ZNF484: variants seen among roughly 807,000 people sequenced by gnomAD.
The protein encoded by ZNF484 is KRAB box containing C2H2 type zinc finger bA526D8.4.
In ZNF484, 11 loss-of-function variants were observed where a neutral mutation model predicts 12.9. That is an observed-to-expected ratio of 0.85 (90% CI 0.54 to 1.41). The LOEUF (loss-of-function observed/expected upper bound fraction) is 1.41. Among genes scored for constraint, ZNF484 ranks in the 40% most tolerant of loss-of-function variants. The probability of loss-of-function intolerance (pLI) is 0.00; values close to 1 mark genes in which losing one functional copy is unlikely to be tolerated. For missense variants in ZNF484, 807 were observed against 1,007.7 expected, an observed-to-expected ratio of 0.80 and a Z score of 2.70; for synonymous variants, 289 against 334.1, an observed-to-expected ratio of 0.86 and a Z score of 1.47.
rs1855471107 is a variant in ZNF484, at chr9:92,844,296, G to T, written c.*1932C>A. 6.6e-6 allele frequency among the ~76,000 whole-genome samples: 1 copy of T among 152,130 alleles called. No homozygotes were observed. Among genetic ancestry groups the T allele is most frequent in the African/African-American group, 2.4e-5 (1 of 41,434 alleles). On this transcript the variant is annotated 3_prime_UTR_variant, in exon 5 of 5. Coordinates refer to ENST00000375495, the MANE Select transcript of ZNF484 (RefSeq NM_031486.4). ...ATAACCATTAGAAAACAGGCCAACA[G>T]AACTGGGTAATAAGGTTATCCCTAA... is the stretch of plus-strand genomic sequence containing the variant.
chr9:92,846,649 A>G lies in ZNF484; in HGVS notation c.2138T>C (p.Ile713Thr), dbSNP rs79807710. ...AATATAGGGTTTCTCTCCTGTATGA[A>G]TTCTCTGATGCATAATTAGTGTTGA... ...RKSTLIMHQR[I>T]HTGEKPYICN... is the part of the protein sequence containing the mutation. The change falls in exon 5 of 5, where the codon ATT (isoleucine) becomes ACT (threonine). Residue 713 changes from isoleucine (I) to threonine (T), a missense_variant. Coordinates refer to ENST00000375495, the MANE Select transcript of ZNF484 (RefSeq NM_031486.4). 1 of 1,613,900 alleles carries G rather than the reference A, an allele frequency of 6.2e-7. No individual in the cohort carries two copies. The highest frequency in any genetic ancestry group is 1.7e-5 in the Admixed American group (1 of 60,022).
intron 4 of ZNF484, among the ~76,000 whole-genome samples, chr9:92,852,283 GTTTGTT>G (rs779653898): frequency 1.7e-4 from 26 of 152,066 alleles, no homozygotes; most frequent in Non-Finnish European, 3.1e-4. Flanking sequence ...TTGGTTTTTT[GTTTGTT>G]TTTGTTTTTG....
chr9:92,858,324 C>T (rs1856584753), intron 2 of ZNF484, among the ~76,000 whole-genome samples: 1 of 151,626 alleles, frequency 6.6e-6, no homozygotes, highest in South Asian at 2.1e-4. Context: ...TAGAAAATAT[C>T]CAAACTGAAG....
rs761206824 is a variant in ZNF484 at position 92,848,262 on chromosome 9, G to C, written c.525C>G (p.Pro175=). ...NTHLVSSRKR[P]HNCNSCGKNL... is the part of the protein sequence containing the mutation. ...TCTTTCCACACGAGTTACAGTTATG[G>C]GGTCTTTTTCTTGAGGAAACCAGGT... The change falls in exon 5 of 5, where the codon CCC becomes CCG. Residue 175 remains proline, a synonymous_variant. Coordinates refer to ENST00000375495, the MANE Select transcript of ZNF484 (RefSeq NM_031486.4). This position sits in a 1 kb window ranked among gnomAD's most constrained non-coding sequence, Gnocchi z 4.1. The C allele has an allele frequency of 2.7e-5, 44 of 1,613,944 alleles. No individual in the cohort carries two copies. Among genetic ancestry groups the C allele is most frequent in the East Asian group, 4.5e-5 (2 of 44,884 alleles).
rs781645636 is a variant in ZNF484 at position 92,847,065 on chromosome 9, A to G, written c.1722T>C (p.His574=). 27 of 1,613,910 alleles carry G rather than the reference A, an allele frequency of 1.7e-5. No homozygotes were observed. The highest frequency in any genetic ancestry group is 1.7e-4 in the Middle Eastern group (1 of 6,060). The change falls in exon 5 of 5, where the codon CAT becomes CAC. Residue 574 remains histidine (H), a synonymous_variant. Transcript: ENST00000375495. ...KSTLSMHQRI[H]RGEKPYVCTE... ...TGCAAACATATGGTTTTTCCCCTCT[A>G]TGAATTCTCTGGTGCATACTTAATG...
Position 92,846,604 on chromosome 9 carries a change from G to T in ZNF484, c.2183C>A (p.Ser728Tyr). 2 of 1,613,796 alleles carry T rather than the reference G, an allele frequency of 1.2e-6. No homozygotes were observed. The highest frequency in any genetic ancestry group is 1.7e-6 in the Non-Finnish European group (2 of 1,179,922). The change falls in exon 5 of 5, where the codon TCC (serine) becomes TAC (tyrosine). Residue 728 changes from serine (S) to tyrosine (Y), a missense_variant. Physicochemically the swap from Ser to Tyr is moderately radical, Grantham distance 144. Transcript: ENST00000375495. ...KPYICNECGK[S>Y]FIQKSHLNRH... The stretch of plus-strand genomic sequence containing the variant: ...ATTTAAGTGTGACTTCTGGATGAAG[G>T]ATTTCCCACATTCATTACAAATATA...
intron 3 of ZNF484, 119 bp from the exon 4 acceptor site, chr9:92,856,022 A>G: frequency 7.1e-7 from 1 of 1,406,338 alleles, no homozygotes; most frequent in East Asian, 2.3e-5. Flanking sequence ...GAAAGAGATT[A>G]TTAAGAACAT....
chr9:92,846,264 G>A lies in ZNF484; in HGVS notation c.2523C>T (p.Asp841=), dbSNP rs1855579375. ...ECSMPQLWCG[D]SEGDQGQLSS... The stretch of plus-strand genomic sequence containing the variant: ...AAAGTTGGCCTTGGTCACCTTCTGA[G>A]TCCCCACACCATAATTGTGGCATGG... Residue 841 remains aspartate (D), a synonymous_variant, in exon 5 of 5, where the codon GAC becomes GAT. Coordinates refer to ENST00000375495, the MANE Select transcript of ZNF484 (RefSeq NM_031486.4). 2 of 1,613,854 alleles carry A rather than the reference G, an allele frequency of 1.2e-6. No homozygotes were observed. The highest frequency in any genetic ancestry group is 2.7e-5 in the African/African-American group (2 of 75,002).
At position 92,878,017 on chromosome 9, in the gene ZNF484, A is replaced by T. The variant is rs1395836264; in HGVS notation, c.-158T>A. 1 of 691,058 alleles carries T rather than the reference A, an allele frequency of 1.4e-6. No individual in the cohort carries two copies. Among genetic ancestry groups the T allele is most frequent in the Admixed American group, 3.0e-5 (1 of 33,776 alleles). The allele number at this position is 691,058 out of a possible 1,614,324, so 42.8% of individuals were successfully genotyped here. ...TCCCAGGCCTAGAGGTACTTCTTAC[A>T]GCGCTGCCTGGGTTTGCGCATGCTC... On this transcript the variant is annotated 5_prime_UTR_variant, in exon 1 of 5. Coordinates refer to ENST00000375495, the MANE Select transcript of ZNF484 (RefSeq NM_031486.4).
intron 1 of ZNF484, among the ~76,000 whole-genome samples, chr9:92,875,644 C>T (rs1036553281): frequency 1.3e-5 from 2 of 152,198 alleles, no homozygotes; most frequent in Non-Finnish European, 1.5e-5. Context: ...TGTATGACTA[C>T]CGATCATGCA....
chr9:92,847,964 C>T lies in ZNF484; in HGVS notation c.823G>A (p.Glu275Lys). ...TCATGGCATTCATGCTGCTTTTCTTCAGCACAAATACTCTCATGTGCAAAG... is the reference window on the plus strand; with the variant it reads ...TCATGGCATTCATGCTGCTTTTCTTTAGCACAAATACTCTCATGTGCAAAG... Reference protein sequence around the residue: ...HAFAHESICAEEKQHECHECE... With the variant: ...HAFAHESICAKEKQHECHECE... Residue 275 changes from glutamate (E) to lysine (K), a missense_variant, in exon 5 of 5, where the codon GAA becomes AAA. By Grantham distance (56) the Glu-to-Lys change is moderately conservative. Coordinates refer to ENST00000375495, the MANE Select transcript of ZNF484 (RefSeq NM_031486.4). 6.2e-7 allele frequency: 1 copy of T among 1,614,220 alleles called. No individual in the cohort carries two copies.
intron 2 of ZNF484, among the ~76,000 whole-genome samples, chr9:92,871,553 G>A (rs1405733350): frequency 2.6e-5 from 4 of 152,134 alleles, no homozygotes; most frequent in Non-Finnish European, 5.9e-5. Flanking sequence ...GAAACTTCCC[G>A]AAAGATATAC....
rs368198771 is a variant in ZNF484, at chr9:92,846,661, ATAAT to A, written c.2122_2125del (p.Ile708CysfsTer27). 6.2e-7 allele frequency: 1 copy of A among 1,613,906 alleles called. No homozygotes were observed. The highest frequency in any genetic ancestry group is 1.1e-5 in the South Asian group (1 of 91,074). ...CTCTCCTGTATGAATTCTCTGATGC[ATAAT>A]TAGTGTTGATTTTCTTGCAAAGGCT... On this transcript the variant is annotated frameshift_variant, in exon 5 of 5. Coordinates refer to ENST00000375495, the MANE Select transcript of ZNF484 (RefSeq NM_031486.4). LOFTEE classifies it low-confidence loss of function (END_TRUNC).
chr9:92,858,424 A>G (rs1856592934), intron 2 of ZNF484, among the ~76,000 whole-genome samples: 1 of 152,344 alleles, frequency 6.6e-6, no homozygotes, highest in Non-Finnish European at 1.5e-5. Flanking sequence ...GAGTCTGAGA[A>G]GTTAAAGAGG....
At chr9:92,870,184 G>A (rs948098545) in intron 2 of ZNF484, among the ~76,000 whole-genome samples, 2 of 152,168 alleles carry the variant, frequency 1.3e-5, no homozygotes, top group African/African-American at 4.8e-5. Flanking sequence ...AACCAGGGAA[G>A]TAAACAGTAA....
Position 92,865,059 on chromosome 9 carries a change from C to T in ZNF484, c.16-8741G>A, listed in dbSNP as rs147841822. ...GAGAGAGAAAGAGAGAGAGAGAGAACGAGAGAGAAAGAGTATATTCATCAT... is the reference window on the plus strand; with the variant it reads ...GAGAGAGAAAGAGAGAGAGAGAGAATGAGAGAGAAAGAGTATATTCATCAT... On this transcript the variant is annotated intron_variant, in intron 2 of 4. Coordinates refer to ENST00000375495, the MANE Select transcript of ZNF484 (RefSeq NM_031486.4). Among the ~76,000 whole-genome samples the T allele has an allele frequency of 8.7e-3, 1,311 of 151,274 alleles. 20 individuals carry two copies. Among genetic ancestry groups the T allele is most frequent in the Non-Finnish European group, 9.1e-3 (619 of 67,816 alleles).
At chr9:92,869,014 G>A (rs7847713) in intron 2 of ZNF484, among the ~76,000 whole-genome samples, 63,023 of 151,816 alleles carry the variant, frequency 0.42, 14,036 homozygotes, top group African/African-American at 0.57. Flanking sequence ...ACAAGCCACC[G>A]CGCCTGGGTT....
At chr9:92,874,922 G>C (rs1367333304) in intron 2 of ZNF484, 93 bp downstream of exon 2, 1 of 1,211,832 alleles carries the variant, frequency 8.3e-7, no homozygotes, top group Non-Finnish European at 1.2e-6. Flanking sequence ...ATTTAGTCTT[G>C]TCATCTTACT....
chr9:92,856,820 C>T (rs1182880869), intron 2 of ZNF484, among the ~76,000 whole-genome samples: 1 of 152,190 alleles, frequency 6.6e-6, no homozygotes, highest in Non-Finnish European at 1.5e-5. Context: ...CTCCTGGGTT[C>T]ACGCCATTCT....
Sources: gnomAD v4.1 joint callset for allele counts (sites outside exome capture counted in the v4.1 genomes callset) on GRCh38, gnomAD v4.1.1 for gene constraint, Gnocchi (gnomAD v3.1) non-coding constraint, MANE v1.5 for transcripts, NCBI Gene and HGNC (gene_info 2026-07-23, HGNC 2026-07-21) for gene names.